Variants in CHMP4B observed in about 807,000 individuals in gnomAD.
The protein encoded by CHMP4B is SNF7 homolog associated with Alix 1.
In CHMP4B, 1 loss-of-function variant was observed where a neutral mutation model predicts 25.1. The ratio of observed to expected loss-of-function variants is 0.04; its 90% confidence interval spans 0.01 to 0.19. CHMP4B has a LOEUF of 0.19. CHMP4B is among the 10% of genes least tolerant of loss of function. The pLI is 1.00. For missense variants in CHMP4B, 151 were observed against 289.7 expected (o/e 0.52, Z 3.48); for synonymous variants, 101 against 115.6 (o/e 0.87, Z 0.81).
At chr20:33,824,464 C>T (rs1014966260) in intron 1 of CHMP4B, among the ~76,000 whole-genome samples, 4 of 152,154 alleles carry the variant, frequency 2.6e-5, no homozygotes, top group African/African-American at 7.2e-5. Flanking sequence ...GTGACTGGAC[C>T]GTGTTATACA....
At position 33,852,284 on chromosome 20, in the gene CHMP4B, G is replaced by A. The variant is rs143720116; in HGVS notation, c.610+81G>A. 1.8e-3 allele frequency: 2,835 copies of A among 1,537,606 alleles called. 24 individuals are homozygous for A. In the African/African-American group the frequency reaches 0.028, roughly 15 times the overall value. ...GGTCGGTTGGCTTTGGTTTGTGGTC[G>A]GTTGGCTTTGGTTTGTGGTCGGTTG... On this transcript the variant is annotated intron_variant, in intron 4 of 4. Coordinates refer to ENST00000217402, the MANE Select transcript of CHMP4B (RefSeq NM_176812.5).
At chr20:33,836,367 A>G (rs1460184218) in intron 1 of CHMP4B, among the ~76,000 whole-genome samples, 1 of 151,704 alleles carries the variant, frequency 6.6e-6, no homozygotes, top group African/African-American at 2.4e-5. Flanking sequence ...TCTAAGAATT[A>G]TTAGGCAGGC....
chr20:33,840,259 G>A (rs190589634), intron 1 of CHMP4B, among the ~76,000 whole-genome samples: 7 of 150,548 alleles, frequency 4.6e-5, no homozygotes, highest in African/African-American at 7.4e-5. Context: ...AAAAAAAAAG[G>A]GGGGGGACAG....
At chr20:33,819,346 T>C (rs1978869898) in intron 1 of CHMP4B, among the ~76,000 whole-genome samples, 1 of 152,244 alleles carries the variant, frequency 6.6e-6, no homozygotes, top group Non-Finnish European at 1.5e-5. Context: ...GAGTGCTCTT[T>C]AGCCCTGATA....
chr20:33,811,781 T>C, intron 1 of CHMP4B, 123 bp downstream of exon 1: 1 of 1,023,536 alleles, frequency 9.8e-7, no homozygotes, highest in Non-Finnish European at 1.5e-6. Context: ...CGGGTCAGAC[T>C]TCTTGCCGGG....
chr20:33,832,623 C>T (rs534413364), intron 1 of CHMP4B, among the ~76,000 whole-genome samples: 2 of 152,258 alleles, frequency 1.3e-5, no homozygotes, highest in East Asian at 3.9e-4. Flanking sequence ...TCACTCCCTT[C>T]CTAGAAATGA....
intron 1 of CHMP4B, among the ~76,000 whole-genome samples, chr20:33,813,158 AAG>A (rs1491246616): frequency 1.2e-3 from 176 of 151,448 alleles, no homozygotes; most frequent in African/African-American, 4.0e-3. Flanking sequence ...AAAAAAAAAA[AAG>A]GGGGAGGAGC....
intron 1 of CHMP4B, among the ~76,000 whole-genome samples, chr20:33,840,040 A>T (rs896953551): frequency 9.9e-5 from 15 of 152,130 alleles, no homozygotes; most frequent in Middle Eastern, 3.4e-3. Flanking sequence ...CTTTTTCTCC[A>T]CCATGCCATA....
intron 1 of CHMP4B, among the ~76,000 whole-genome samples, chr20:33,829,299 C>T (rs1742242018): frequency 6.6e-6 from 1 of 152,222 alleles, no homozygotes; most frequent in African/African-American, 2.4e-5. Flanking sequence ...CCCTTCTCAG[C>T]CAGTTCTTTG....
At chr20:33,823,833 C>T (rs1979013377) in intron 1 of CHMP4B, among the ~76,000 whole-genome samples, 1 of 152,120 alleles carries the variant, frequency 6.6e-6, no homozygotes, top group African/African-American at 2.4e-5. Flanking sequence ...AGCCACCGCA[C>T]CCAGCCTAAT....
At position 33,853,555 on chromosome 20, in the gene CHMP4B, A is replaced by C; in HGVS notation, c.670A>C (p.Met224Leu). The C allele has an allele frequency of 6.2e-7, 1 of 1,613,560 alleles. No individual in the cohort carries two copies. The highest frequency in any genetic ancestry group is 1.1e-5 in the South Asian group (1 of 91,058). Residue 224 changes from methionine (M) to leucine (L), a missense_variant, in exon 5 of 5, where the codon ATG becomes CTG. This residue lies in a region of CHMP4B where 41 missense variants were observed against 50.9 expected (regional missense o/e 0.81). Coordinates refer to ENST00000217402, the MANE Select transcript of CHMP4B (RefSeq NM_176812.5). ...MKELENWAGS[M>L] ...GGAATTGGAGAACTGGGCTGGATCC[A>C]TGTAATGGGGTCCAGCGCTGGCTGG...
At chr20:33,843,326 A>G (rs917189173) in intron 1 of CHMP4B, among the ~76,000 whole-genome samples, 8 of 152,244 alleles carry the variant, frequency 5.3e-5, no homozygotes, top group African/African-American at 1.9e-4. Flanking sequence ...GCATAATTAA[A>G]TATGGAGATT....
At chr20:33,826,177 A>G (rs1354720437) in intron 1 of CHMP4B, among the ~76,000 whole-genome samples, 2 of 152,284 alleles carry the variant, frequency 1.3e-5, no homozygotes, top group Non-Finnish European at 2.9e-5. Flanking sequence ...AGAAGGAAGG[A>G]GGAAGAAGTG....
chr20:33,836,528 T>C (rs1243515426), intron 1 of CHMP4B, among the ~76,000 whole-genome samples: 1 of 152,114 alleles, frequency 6.6e-6, no homozygotes, highest in Non-Finnish European at 1.5e-5. Flanking sequence ...CTTAATATTA[T>C]TTATTCTCTG....
At chr20:33,841,597 A>G (rs1979542664) in intron 1 of CHMP4B, among the ~76,000 whole-genome samples, 1 of 152,138 alleles carries the variant, frequency 6.6e-6, no homozygotes, top group Non-Finnish European at 1.5e-5. Flanking sequence ...TGTCCCAGGC[A>G]CCCTCACACA....
chr20:33,844,055 C>T (rs1257029242), intron 1 of CHMP4B, among the ~76,000 whole-genome samples: 1 of 152,208 alleles, frequency 6.6e-6, no homozygotes, highest in Non-Finnish European at 1.5e-5. Context: ...ACCCTGCAGG[C>T]AGGAAGGGGA....
intron 2 of CHMP4B, 118 bp from the exon 3 acceptor site, chr20:33,850,834 A>T (rs1415853199): frequency 5.4e-6 from 4 of 744,314 alleles, no homozygotes; most frequent in Non-Finnish European, 7.4e-6. Context: ...GAGTCATTGC[A>T]GGGGGTGTGG....
At chr20:33,850,366 G>C (rs1037101526) in intron 2 of CHMP4B, among the ~76,000 whole-genome samples, 1 of 152,196 alleles carries the variant, frequency 6.6e-6, no homozygotes, top group Non-Finnish European at 1.5e-5. Flanking sequence ...GTGTTCTCCT[G>C]GAAACCTAGC....
chr20:33,847,492 C>A (rs1451188640), intron 1 of CHMP4B, among the ~76,000 whole-genome samples: 5 of 151,916 alleles, frequency 3.3e-5, no homozygotes, highest in Admixed American at 3.3e-4. Flanking sequence ...GAACTGAGAC[C>A]GTGAGGGGAA....
Sources: allele counts gnomAD v4.1 joint callset (sites outside exome capture counted in the v4.1 genomes callset), GRCh38; gene constraint gnomAD v4.1.1; regional missense constraint gnomAD v4.1.1; transcripts MANE v1.5; gene names NCBI Gene and HGNC (gene_info 2026-07-23, HGNC 2026-07-21).